MYO7B: variants seen among roughly 807,000 people sequenced by gnomAD.
The protein encoded by MYO7B is unconventional myosin-VIIb.
A neutral mutation model predicts 259.7 loss-of-function variants in MYO7B; 212 were observed. The ratio of observed to expected loss-of-function variants is 0.82; its 90% CI spans 0.73 to 0.91. MYO7B has a LOEUF of 0.91. Ranked by LOEUF, MYO7B falls within the 40% of genes least tolerant of loss-of-function variation. The pLI is 0.00. For synonymous variants in MYO7B, 1,197 were observed against 1,166.4 expected (o/e 1.03, Z -0.54); for missense variants, 2,732 against 2,813.5 (o/e 0.97, Z 0.66).
In MYO7B at chr2:127,585,352, G is replaced by A. The variant is rs1216629300; in HGVS notation, c.1690+439G>A. On this transcript the variant is annotated intron_variant, in intron 14 of 47. Transcript: ENST00000409816. The surrounding 1 kb of genome is among the most constrained non-coding windows in gnomAD (Gnocchi z 4.3). ...GGAACCATATAATACGTGGTCTTCT[G>A]TGGCTGGTTTCTTTCACTTAGCATC... Among the ~76,000 whole-genome samples the A allele has an allele frequency of 6.6e-6, 1 of 152,096 alleles. No homozygotes were observed. Among genetic ancestry groups the A allele is most frequent in the Non-Finnish European group, 1.5e-5 (1 of 68,024 alleles).
At chr2:127,618,636 G>A (rs1261004901) in intron 26 of MYO7B, among the ~76,000 whole-genome samples, 1 of 152,200 alleles carries the variant, frequency 6.6e-6, no homozygotes, top group Non-Finnish European at 1.5e-5. Flanking sequence ...GTGGTATACT[G>A]AGCTGATCAC....
rs1306380617 is a variant in MYO7B at position 127,576,352 on chromosome 2, G to A, written c.736-243G>A. Among the ~76,000 whole-genome samples, 1 of 152,206 alleles carries A rather than the reference G, an allele frequency of 6.6e-6. No homozygotes were observed. Among genetic ancestry groups the A allele is most frequent in the African/African-American group, 2.4e-5 (1 of 41,448 alleles). ...GAGACTTTGGGCACAGCAGTGTCAG[G>A]GCTTCGAGGAGCAGTCAAGATGCAG... On this transcript the variant is annotated intron_variant, in intron 7 of 47. Transcript: ENST00000409816. This position sits in a 1 kb window ranked among gnomAD's most constrained non-coding sequence, Gnocchi z 4.9.
intron 18 of MYO7B, among the ~76,000 whole-genome samples, chr2:127,594,043 G>A (rs1348487288): frequency 6.6e-6 from 1 of 152,250 alleles, no homozygotes; most frequent in African/African-American, 2.4e-5. Context: ...CCCTACACTG[G>A]GGAGGCCCAG....
intron 39 of MYO7B, 86 bp downstream of exon 39, chr2:127,632,487 T>C: frequency 6.9e-7 from 1 of 1,448,266 alleles, no homozygotes; most frequent in Non-Finnish European, 9.2e-7. Context: ...TTCCAGGAGC[T>C]CATGGTCCTG....
Position 127,590,368 on chromosome 2 carries a change from G to A in MYO7B, c.1992+139G>A. ...CCCCTACCTTACAGATAAGTACACTGGGGTAAGGTGACCAGACTAGGTCAT... is the reference window on the plus strand; with the variant it reads ...CCCCTACCTTACAGATAAGTACACTAGGGTAAGGTGACCAGACTAGGTCAT... On this transcript the variant is annotated intron_variant, in intron 16 of 47. Transcript: ENST00000409816. This position sits in a 1 kb window ranked among gnomAD's most constrained non-coding sequence, Gnocchi z 4.6. The A allele has an allele frequency of 8.0e-7, 1 of 1,245,506 alleles. No homozygotes were observed. The highest frequency in any genetic ancestry group is 2.4e-5 in the Admixed American group (1 of 41,432). 77.2% of individuals were successfully genotyped at this position (1,245,506 alleles called of 1,614,324 possible). A position where few individuals can be genotyped will look rare whatever the true frequency, so the allele number is the denominator to read the frequency against.
Position 127,592,909 on chromosome 2 carries a change from G to A in MYO7B, c.2108G>A (p.Arg703Lys), listed in dbSNP as rs1179308421. ...IRYTFEEFSQ[R>K]FGVLLPNAMR... ...TACACGTTCGAGGAGTTCTCGCAGA[G>A]GTTCGGCGTGTTGCTGCCCAACGCC... Residue 703 changes from arginine (R) to lysine (K), a missense_variant, in exon 17 of 48, where the codon AGG (arginine) becomes AAG (lysine). Transcript: ENST00000409816. The A allele has an allele frequency of 6.2e-7, 1 of 1,605,022 alleles. No individual in the cohort carries two copies. Among genetic ancestry groups the A allele is most frequent in the Non-Finnish European group, 8.5e-7 (1 of 1,176,490 alleles).
At chr2:127,571,352 C>T (rs757362170) in intron 6 of MYO7B, among the ~76,000 whole-genome samples, 4 of 147,920 alleles carry the variant, frequency 2.7e-5, no homozygotes, top group Admixed American at 7.0e-5. Context: ...TGCTTACCTC[C>T]GCTCTGTATA....
chr2:127,568,830 G>A (rs1212561037), intron 5 of MYO7B, among the ~76,000 whole-genome samples: 2 of 151,916 alleles, frequency 1.3e-5, no homozygotes, highest in Admixed American at 1.3e-4. Context: ...TGGAGTGGGC[G>A]GAGGTTGCAG....
At position 127,546,106 on chromosome 2, in the gene MYO7B, T is replaced by A. The variant is rs79819753; in HGVS notation, c.-24+10275T>A. 5.9e-3 allele frequency among the ~76,000 whole-genome samples: 893 copies of A among 152,310 alleles called. 8 individuals are homozygous for A. Among genetic ancestry groups the A allele is most frequent in the African/African-American group, 0.02 (842 of 41,556 alleles). On this transcript the variant is annotated intron_variant, in intron 1 of 47. Transcript: ENST00000409816. This position sits in a 1 kb window ranked among gnomAD's most constrained non-coding sequence, Gnocchi z 4.2. ...GGTGGCATAGGAGAACTTCCAAGTC[T>A]TACTCATCCCTCACCCAGCCCCAGA...
At position 127,628,331 on chromosome 2, in the gene MYO7B, A is replaced by T; in HGVS notation, c.4461-41A>T. 6.4e-7 allele frequency: 1 copy of T among 1,568,610 alleles called. No homozygotes were observed. Among genetic ancestry groups the T allele is most frequent in the Non-Finnish European group, 8.6e-7 (1 of 1,160,050 alleles). On this transcript the variant is annotated intron_variant, in intron 33 of 47. Coordinates refer to ENST00000409816, the MANE Select transcript of MYO7B (RefSeq NM_001393586.1). This position sits in a 1 kb window ranked among gnomAD's most constrained non-coding sequence, Gnocchi z 4.8. ...GCTGTTTAGGGGCTGGATCAGGGGA[A>T]GGTGGAGGGGGCTCCTGGTCACGCT...
chr2:127,548,672 C>T (rs1012237910), intron 1 of MYO7B, among the ~76,000 whole-genome samples: 7 of 152,120 alleles, frequency 4.6e-5, no homozygotes, highest in Non-Finnish European at 1.5e-5. Flanking sequence ...CCTCGGCCTC[C>T]CAAAGTGCTG....
rs762424648 is a variant in MYO7B, at chr2:127,576,553, A to G, written c.736-42A>G. 2.3e-6 allele frequency: 3 copies of G among 1,332,762 alleles called. No individual in the cohort carries two copies. Among genetic ancestry groups the G allele is most frequent in the Non-Finnish European group, 3.1e-6 (3 of 953,002 alleles). The allele number at this position is 1,332,762 out of a possible 1,614,324, so 82.6% of individuals were successfully genotyped here. A position where few individuals can be genotyped will look rare whatever the true frequency, so the allele number is the denominator to read the frequency against. ...TCTGAGGCCCTGAGGCCTCAGGGGA[A>G]TGGCTCATGAATCTGTCTGGAATGC... is the stretch of plus-strand genomic sequence containing the variant. On this transcript the variant is annotated intron_variant, in intron 7 of 47. Transcript: ENST00000409816. This position sits in a 1 kb window ranked among gnomAD's most constrained non-coding sequence, Gnocchi z 4.9.
In MYO7B at chr2:127,634,591, C is replaced by T; in HGVS notation, c.5626-5C>T. On this transcript the variant is annotated splice_polypyrimidine_tract_variant and splice_region_variant and intron_variant, in intron 41 of 47. Transcript: ENST00000409816. Reference sequence around the variant, plus strand: ...CCAACTTCCCTGTACCTTCCCCTTCCCCAGGTCATCAGCCAGAAGGAGGGA... The same window carrying T: ...CCAACTTCCCTGTACCTTCCCCTTCTCCAGGTCATCAGCCAGAAGGAGGGA... 6.2e-7 allele frequency: 1 copy of T among 1,609,880 alleles called. No homozygotes were observed. The highest frequency in any genetic ancestry group is 8.5e-7 in the Non-Finnish European group (1 of 1,178,092).
intron 10 of MYO7B, 37 bp downstream of exon 10, chr2:127,580,859 G>C: frequency 6.3e-7 from 1 of 1,591,290 alleles, no homozygotes; most frequent in Non-Finnish European, 8.6e-7. Context: ...ATTTTGGTGG[G>C]GGGCCTCAGA....
chr2:127,583,296 C>T (rs1257425889), intron 12 of MYO7B, among the ~76,000 whole-genome samples: 1 of 152,224 alleles, frequency 6.6e-6, no homozygotes, highest in African/African-American at 2.4e-5. Context: ...CTTGGACAGC[C>T]AGGATTGTCA....
chr2:127,620,606 G>T, intron 27 of MYO7B, 140 bp downstream of exon 27: 1 of 1,079,070 alleles, frequency 9.3e-7, no homozygotes. Context: ...GGGCAGCCAT[G>T]CCTATGCTTC....
rs1164401559 is a variant in MYO7B, at chr2:127,539,746, A to C, written c.-24+3915A>C. ...TTTTGGTTACATGGATAAGTTCTTCAGTGGTGATTTGTGAGATTTTTTTGC... is the reference window on the plus strand; with the variant it reads ...TTTTGGTTACATGGATAAGTTCTTCCGTGGTGATTTGTGAGATTTTTTTGC... On this transcript the variant is annotated intron_variant, in intron 1 of 47. Transcript: ENST00000409816. This position sits in a 1 kb window ranked among gnomAD's most constrained non-coding sequence, Gnocchi z 4.0. Among the ~76,000 whole-genome samples, 2 of 152,082 alleles carry C rather than the reference A, an allele frequency of 1.3e-5. No individual in the cohort carries two copies. Among genetic ancestry groups the C allele is most frequent in the African/African-American group, 4.8e-5 (2 of 41,410 alleles).
In MYO7B at chr2:127,585,021, G is replaced by A; in HGVS notation, c.1690+108G>A. 1.4e-6 allele frequency: 2 copies of A among 1,414,870 alleles called. No homozygotes were observed. The highest frequency in any genetic ancestry group is 2.3e-5 in the East Asian group (1 of 43,674). 87.6% of individuals were successfully genotyped at this position (1,414,870 alleles called of 1,614,324 possible). ...GGCTATTTTGCAGCTCTAGCAATGG[G>A]GCAGAGGGATGAGTAGTATGGCTTC... On this transcript the variant is annotated intron_variant, in intron 14 of 47. Coordinates refer to ENST00000409816, the MANE Select transcript of MYO7B (RefSeq NM_001393586.1). The surrounding 1 kb of genome is among the most constrained non-coding windows in gnomAD (Gnocchi z 4.3).
chr2:127,589,013 T>C (rs1573659843), intron 15 of MYO7B, among the ~76,000 whole-genome samples: 1 of 52,520 alleles, frequency 1.9e-5, no homozygotes, highest in Admixed American at 2.6e-4. Context: ...AGTGAGTGGA[T>C]GGGTGGTGGG....
Sources: gnomAD v4.1 joint callset for allele counts (sites outside exome capture counted in the v4.1 genomes callset) on GRCh38, gnomAD v4.1.1 for gene constraint, Gnocchi (gnomAD v3.1) non-coding constraint, MANE v1.5 for transcripts, NCBI Gene and HGNC (gene_info 2026-07-23, HGNC 2026-07-21) for gene names.